BPNT2: variants seen among roughly 807,000 people sequenced by gnomAD.
The protein encoded by BPNT2 is 3'(2'), 5'-bisphosphate nucleotidase 2.
BPNT2 carries 11 observed loss-of-function variants against 29.3 expected under a neutral mutation model. The ratio of observed to expected loss-of-function variants is 0.38; its 90% CI spans 0.24 to 0.62. The LOEUF (loss-of-function observed/expected upper bound fraction) is 0.62, where lower values mean the gene tolerates loss of function less well. Among genes scored for constraint, BPNT2 ranks in the 20% least tolerant of loss-of-function variants. The probability of loss-of-function intolerance (pLI) is 0.62; values close to 1 mark genes in which losing one functional copy is unlikely to be tolerated. For synonymous variants in BPNT2, 195 were observed against 187.7 expected (o/e 1.04, Z -0.32); for missense variants, 459 against 473.4 (o/e 0.97, Z 0.28).
intron 3 of BPNT2, among the ~76,000 whole-genome samples, chr8:56,966,784 T>C (rs1805960511): frequency 6.6e-6 from 1 of 152,170 alleles, no homozygotes; most frequent in Admixed American, 6.5e-5. Context: ...GAACCCAACC[T>C]GCAACATAAG....
rs1805770587 is a variant in BPNT2 at position 56,958,217 on chromosome 8, A to G, written c.*5576T>C. ...AATCCTTTATTCAATTTAGCTCAACACACATTAAGTACTTAATTTGTGCAA... is the reference window on the plus strand; with the variant it reads ...AATCCTTTATTCAATTTAGCTCAACGCACATTAAGTACTTAATTTGTGCAA... On this transcript the variant is annotated 3_prime_UTR_variant, in exon 5 of 5. Coordinates refer to ENST00000262644, the MANE Select transcript of BPNT2 (RefSeq NM_017813.5). 1 of 152,178 alleles carries G rather than the reference A, an allele frequency of 6.6e-6. No homozygotes were observed. Among genetic ancestry groups the G allele is most frequent in the Non-Finnish European group, 1.5e-5 (1 of 68,028 alleles). The allele number at this position is 152,178 out of a possible 1,614,324, so 9.4% of individuals were successfully genotyped here.
chr8:56,972,019 T>C (rs1368446847), intron 3 of BPNT2, among the ~76,000 whole-genome samples: 1 of 147,918 alleles, frequency 6.8e-6, no homozygotes, highest in African/African-American at 2.5e-5. Context: ...GGCGTGAACC[T>C]GGGAGGTGGA....
chr8:56,965,626 G>A (rs1366689278), intron 4 of BPNT2, among the ~76,000 whole-genome samples: 1 of 152,074 alleles, frequency 6.6e-6, no homozygotes, highest in Non-Finnish European at 1.5e-5. Context: ...TGGCTCATGA[G>A]GCTTCAAATT....
intron 2 of BPNT2, among the ~76,000 whole-genome samples, chr8:56,978,699 A>C (rs897845978): frequency 6.6e-6 from 1 of 152,078 alleles, no homozygotes; most frequent in African/African-American, 2.4e-5. Context: ...TACACCGTGC[A>C]ATACTATGCA....
At chr8:56,968,437 C>A (rs1805984208) in intron 3 of BPNT2, among the ~76,000 whole-genome samples, 3 of 149,464 alleles carry the variant, frequency 2.0e-5, no homozygotes, top group Admixed American at 2.0e-4. Flanking sequence ...ATAAGGAGTC[C>A]CTGAAAAAGA....
chr8:56,965,982 C>A (rs541831319), intron 4 of BPNT2, among the ~76,000 whole-genome samples: 41 of 152,300 alleles, frequency 2.7e-4, no homozygotes, highest in Non-Finnish European at 4.1e-4. Flanking sequence ...AGAGAAACCA[C>A]TGTTGTGAGA....
At position 56,957,989 on chromosome 8, in the gene BPNT2, C is replaced by T. The variant is rs886062999; in HGVS notation, c.*5804G>A. On this transcript the variant is annotated 3_prime_UTR_variant, in exon 5 of 5. Coordinates refer to ENST00000262644, the MANE Select transcript of BPNT2 (RefSeq NM_017813.5). Reference sequence around the variant, plus strand: ...CAAATTTCGTTTGGCAAAGTATATCCGGGGCAGAGAGTTTGGGATAATTAT... The same window carrying T: ...CAAATTTCGTTTGGCAAAGTATATCTGGGGCAGAGAGTTTGGGATAATTAT... The T allele has an allele frequency of 2.6e-5, 4 of 152,034 alleles. No individual in the cohort carries two copies. The East Asian group carries it at 7.8e-4, about 29-fold the overall frequency. 9.4% of individuals were successfully genotyped at this position (152,034 alleles called of 1,614,324 possible).
At chr8:56,965,115 C>T (rs566977702) in intron 4 of BPNT2, among the ~76,000 whole-genome samples, 10 of 152,262 alleles carry the variant, frequency 6.6e-5, no homozygotes, top group Admixed American at 5.2e-4. Flanking sequence ...AGCTCAGGAG[C>T]TCAAGACCAG....
chr8:56,993,483 G>C lies in BPNT2; in HGVS notation c.103C>G (p.Arg35Gly). The stretch of plus-strand genomic sequence containing the variant: ...CCGCCCAGGCCGAAGAGGCTGAAGC[G>C]GCCGGCCAAGAAGCCCGAGTAGAGG... ...YHLYSGFLAG[R>G]FSLFGLGGEP... Residue 35 changes from arginine (R) to glycine (G), a missense_variant, in exon 1 of 5, where the codon CGC becomes GGC. Coordinates refer to ENST00000262644, the MANE Select transcript of BPNT2 (RefSeq NM_017813.5). 1 of 1,499,212 alleles carries C rather than the reference G, an allele frequency of 6.7e-7. No homozygotes were observed. Among genetic ancestry groups the C allele is most frequent in the Non-Finnish European group, 8.9e-7 (1 of 1,124,716 alleles). The allele number at this position is 1,499,212 out of a possible 1,614,324, so 92.9% of individuals were successfully genotyped here.
intron 1 of BPNT2, among the ~76,000 whole-genome samples, chr8:56,980,793 A>C (rs1010160647): frequency 7.1e-6 from 1 of 139,932 alleles, no homozygotes; most frequent in Non-Finnish European, 1.5e-5. Flanking sequence ...TTCTCTCCTT[A>C]CCCCACACCC....
intron 3 of BPNT2, among the ~76,000 whole-genome samples, chr8:56,974,639 G>T (rs1240875130): frequency 6.6e-6 from 1 of 152,154 alleles, no homozygotes; most frequent in African/African-American, 2.4e-5. Context: ...TAAACGTATT[G>T]ATTATTTTAG....
At chr8:56,971,699 TCA>T (rs990905749) in intron 3 of BPNT2, among the ~76,000 whole-genome samples, 7 of 151,504 alleles carry the variant, frequency 4.6e-5, no homozygotes, top group Non-Finnish European at 5.9e-5. Flanking sequence ...GTAGTGCCAT[TCA>T]CAGTTAAGAG....
At chr8:56,970,482 G>A (rs1585558041) in intron 3 of BPNT2, among the ~76,000 whole-genome samples, 1 of 152,044 alleles carries the variant, frequency 6.6e-6, no homozygotes, top group African/African-American at 2.4e-5. Flanking sequence ...ATGTCATGGG[G>A]GGCATAAGGG....
intron 3 of BPNT2, among the ~76,000 whole-genome samples, chr8:56,973,965 C>A (rs190860784): frequency 1.3e-5 from 2 of 152,256 alleles, no homozygotes; most frequent in East Asian, 1.9e-4. Flanking sequence ...TCCACCTCCT[C>A]CACCCGAGAC....
chr8:56,989,372 T>TAAA (rs56741190), intron 1 of BPNT2, among the ~76,000 whole-genome samples: 2 of 131,212 alleles, frequency 1.5e-5, no homozygotes, highest in Non-Finnish European at 3.3e-5. Context: ...ACACCATCTT[T>TAAA]AAAAAAAAAA....
intron 4 of BPNT2, among the ~76,000 whole-genome samples, chr8:56,965,680 C>T (rs1050669520): frequency 6.6e-6 from 1 of 152,084 alleles, no homozygotes; most frequent in African/African-American, 2.4e-5. Flanking sequence ...GACTATAATA[C>T]AATAGTAGAG....
rs1309490677 is a variant in BPNT2 at position 56,961,703 on chromosome 8, GGTGGTGTAT to G, written c.*2081_*2089del. ...AAATACAAAAAAATTAGCTGGGTGT[GGTGGTGTAT>G]GCCTGTAATCCCAGCTACTTGGGAG... On this transcript the variant is annotated 3_prime_UTR_variant, in exon 5 of 5. Coordinates refer to ENST00000262644, the MANE Select transcript of BPNT2 (RefSeq NM_017813.5). 6.6e-6 allele frequency: 1 copy of G among 152,204 alleles called. No homozygotes were observed. The highest frequency in any genetic ancestry group is 2.4e-5 in the African/African-American group (1 of 41,414). The allele number at this position is 152,204 out of a possible 1,614,324, so 9.4% of individuals were successfully genotyped here.
chr8:56,981,862 C>T (rs1806249190), intron 1 of BPNT2, among the ~76,000 whole-genome samples: 3 of 152,078 alleles, frequency 2.0e-5, no homozygotes, highest in Admixed American at 2.0e-4. Flanking sequence ...CAGAGTAGGT[C>T]ATGTTTATGC....
intron 1 of BPNT2, among the ~76,000 whole-genome samples, chr8:56,981,689 GATC>G (rs1272807076): frequency 1.3e-5 from 2 of 152,176 alleles, no homozygotes; most frequent in Non-Finnish European, 2.9e-5. Flanking sequence ...GTTAATAACA[GATC>G]ATCAATCTTA....
Sources: allele counts gnomAD v4.1 joint callset (sites outside exome capture counted in the v4.1 genomes callset), GRCh38; gene constraint gnomAD v4.1.1; transcripts MANE v1.5; gene names NCBI Gene and HGNC (gene_info 2026-07-23, HGNC 2026-07-21).